RANBP2: variants seen among roughly 807,000 people sequenced by gnomAD.
RANBP2 encodes the protein E3 SUMO-protein ligase RanBP2.
Under a neutral mutation model 303.6 loss-of-function variants are expected in RANBP2, and 57 were observed. The ratio of observed to expected loss-of-function variants is 0.19; its 90% CI spans 0.15 to 0.23. The LOEUF (loss-of-function observed/expected upper bound fraction) is 0.23, where lower values mean the gene tolerates loss of function less well. Among genes scored for constraint, RANBP2 ranks in the 10% least tolerant of loss-of-function variants. RANBP2 has a pLI of 1.00. For synonymous variants in RANBP2, 1,167 were observed against 1,301.5 expected, an observed-to-expected ratio of 0.90 and a Z score of 2.23; for missense variants, 3,138 against 3,780.8, an observed-to-expected ratio of 0.83 and a Z score of 4.46.
chr2:109,256,451 G>C, the RANBP2 span, among the ~76,000 whole-genome samples: 3 of 151,650 alleles, frequency 2.0e-5, no homozygotes, highest in Non-Finnish European at 2.9e-5. Flanking sequence ...CTGAAACAGG[G>C]AGACGAGTGC....
Position 108,765,855 on chromosome 2 carries a change from G to A in RANBP2, c.5316G>A (p.Lys1772=). Residue 1772 remains lysine, a synonymous_variant, in exon 20 of 29, where the codon AAG becomes AAA. Coordinates refer to ENST00000283195, the MANE Select transcript of RANBP2 (RefSeq NM_006267.5). The part of the protein sequence containing the change: ...PASSEISKAP[K]SGFEGMFIRK... ...CTTCGGAGATAAGCAAGGCTCCAAAGAGTGGATTTGAAGGAATGTTCATCA... is the reference window on the plus strand; with the variant it reads ...CTTCGGAGATAAGCAAGGCTCCAAAAAGTGGATTTGAAGGAATGTTCATCA... 6.2e-7 allele frequency: 1 copy of A among 1,614,158 alleles called. No homozygotes were observed. Among genetic ancestry groups the A allele is most frequent in the Non-Finnish European group, 8.5e-7 (1 of 1,179,992 alleles).
At chr2:108,789,075 G>A (rs1679466671), downstream of RANBP2, 1 of 1,110,010 alleles carries the variant, frequency 9.0e-7, no homozygotes, top group Non-Finnish European at 1.3e-6. Context: ...CAAGTATGAG[G>A]ACAAGTATAA....
the RANBP2 span, among the ~76,000 whole-genome samples, chr2:109,280,452 A>T: frequency 6.6e-6 from 1 of 152,234 alleles, no homozygotes; most frequent in African/African-American, 2.4e-5. Flanking sequence ...AGCAATAGGA[A>T]GGGGAGCGGT....
the RANBP2 span, among the ~76,000 whole-genome samples, chr2:109,439,675 C>A: frequency 3.3e-5 from 5 of 152,282 alleles, no homozygotes; most frequent in Admixed American, 3.3e-4. Context: ...GTTCCTTGCA[C>A]ACTCCTGTCT....
At chr2:108,758,387 T>A (rs1210408032) in intron 17 of RANBP2, 26 bp from the exon 18 acceptor site, 5 of 1,611,522 alleles carry the variant, frequency 3.1e-6, no homozygotes. Flanking sequence ...TGTTTAAAAT[T>A]ATTTGATTTT....
chr2:109,599,230 G>A, the RANBP2 span, among the ~76,000 whole-genome samples: 8 of 152,138 alleles, frequency 5.3e-5, no homozygotes, highest in East Asian at 1.9e-4. Context: ...GGCCAAGACC[G>A]GTGGATCACT....
chr2:109,111,079 A>G, the RANBP2 span, among the ~76,000 whole-genome samples: 1 of 152,154 alleles, frequency 6.6e-6, no homozygotes, highest in Non-Finnish European at 1.5e-5. Flanking sequence ...TAGTGCACAG[A>G]TGATCATCCA....
At chr2:109,292,667 T>G in the RANBP2 span, among the ~76,000 whole-genome samples, 3 of 152,234 alleles carry the variant, frequency 2.0e-5, no homozygotes, top group African/African-American at 7.2e-5. Flanking sequence ...AGCGTCTTTT[T>G]GGGATGGTGC....
At chr2:108,902,050 C>T in the RANBP2 span, among the ~76,000 whole-genome samples, 1 of 152,050 alleles carries the variant, frequency 6.6e-6, no homozygotes, top group African/African-American at 2.4e-5. Flanking sequence ...CCAGCCTGGC[C>T]AACATGGTGA....
the RANBP2 span, among the ~76,000 whole-genome samples, chr2:108,880,960 A>G: frequency 2.6e-5 from 4 of 152,244 alleles, no homozygotes; most frequent in East Asian, 7.7e-4. Context: ...AGTTCAAAAT[A>G]TCAACATTAA....
the RANBP2 span, among the ~76,000 whole-genome samples, chr2:108,977,495 C>T: frequency 1.3e-5 from 2 of 152,182 alleles, no homozygotes; most frequent in Admixed American, 6.5e-5. Context: ...TGGTCTCGAT[C>T]TCCTGACCTC....
chr2:109,566,212 C>T, the RANBP2 span, among the ~76,000 whole-genome samples: 3 of 152,106 alleles, frequency 2.0e-5, no homozygotes, highest in South Asian at 6.2e-4. Flanking sequence ...CCTCCGCCTC[C>T]TGGGTTCCAG....
chr2:109,570,543 A>G, the RANBP2 span, among the ~76,000 whole-genome samples: 1 of 147,458 alleles, frequency 6.8e-6, no homozygotes, highest in African/African-American at 2.5e-5. Flanking sequence ...TTTTTTTTCC[A>G]AGACGGAGTC....
chr2:108,747,234 G>A (rs1257618718), intron 8 of RANBP2, among the ~76,000 whole-genome samples: 1 of 152,164 alleles, frequency 6.6e-6, no homozygotes, highest in African/African-American at 2.4e-5. Context: ...CTTATATTAG[G>A]CTCTTGGAAT....
At chr2:109,553,137 C>T in the RANBP2 span, 1 of 1,613,968 alleles carries the variant, frequency 6.2e-7, no homozygotes, top group South Asian at 1.1e-5. Context: ...ACTCGCTGCA[C>T]AAACATCTGT....
chr2:108,764,222 G>T lies in RANBP2; in HGVS notation c.3683G>T (p.Gly1228Val). The T allele has an allele frequency of 4.3e-6, 7 of 1,614,020 alleles. No homozygotes were observed. The highest frequency in any genetic ancestry group is 5.9e-6 in the Non-Finnish European group (7 of 1,179,964). ...AAAATACTGAGGCATAAAACATCTG[G>T]TAAAATTCGCCTTCTAATGAGACGA... Reference protein sequence around the residue: ...NVKILRHKTSGKIRLLMRREQ... With the variant: ...NVKILRHKTSVKIRLLMRREQ... The change falls in exon 20 of 29, where the codon GGT becomes GTT. Residue 1228 changes from glycine (G) to valine (V), a missense_variant. By Grantham distance (109) the Gly-to-Val change is moderately radical. Coordinates refer to ENST00000283195, the MANE Select transcript of RANBP2 (RefSeq NM_006267.5).
the RANBP2 span, among the ~76,000 whole-genome samples, chr2:108,932,995 G>A: frequency 6.6e-6 from 1 of 152,164 alleles, no homozygotes; most frequent in African/African-American, 2.4e-5. Context: ...TAGGAAGAGG[G>A]TGGGCAGAAT....
At chr2:109,025,654 C>T in the RANBP2 span, among the ~76,000 whole-genome samples, 9 of 151,972 alleles carry the variant, frequency 5.9e-5, no homozygotes, top group East Asian at 9.7e-4. Flanking sequence ...AAAAATTAGC[C>T]GGTTGTGGTG....
chr2:109,094,353 T>G, the RANBP2 span, among the ~76,000 whole-genome samples: 2 of 152,284 alleles, frequency 1.3e-5, no homozygotes, highest in Non-Finnish European at 2.9e-5. Flanking sequence ...CCCTTAATTT[T>G]GGGGATCTTT....
Sources: allele counts gnomAD v4.1 joint callset (sites outside exome capture counted in the v4.1 genomes callset), GRCh38; gene constraint gnomAD v4.1.1; transcripts MANE v1.5; gene names NCBI Gene and HGNC (gene_info 2026-07-23, HGNC 2026-07-21).